Variants in GHR observed in about 807,000 individuals in gnomAD.
The protein encoded by GHR is growth hormone receptor, also known as GH receptor.
In GHR, 35 loss-of-function variants were observed where a neutral mutation model predicts 67.1. The observed-to-expected ratio is 0.52, with a 90% CI of 0.40 to 0.69. The LOEUF (loss-of-function observed/expected upper bound fraction) is 0.69, where lower values mean the gene tolerates loss of function less well. Among genes scored for constraint, GHR ranks in the 30% least tolerant of loss-of-function variants. The probability of loss-of-function intolerance (pLI) is 0.00; values close to 1 mark genes in which losing one functional copy is unlikely to be tolerated. For synonymous variants in GHR, 272 were observed against 269.1 expected (o/e 1.01, Z -0.10); for missense variants, 792 against 764.6 (o/e 1.04, Z -0.42).
chr5:42,463,706 TTAGTGGGCCGGGCG>T (rs1247927214), intron 1 of GHR, among the ~76,000 whole-genome samples: 17 of 152,146 alleles, frequency 1.1e-4, no homozygotes, highest in African/African-American at 4.1e-4. Flanking sequence ...TAGAAATAAT[TTAGTGGGCCGGGCG>T]CGGTGGCTCA....
intron 1 of GHR, chr5:42,548,086 A>G: frequency 1.0e-6 from 1 of 985,464 alleles, no homozygotes; most frequent in Non-Finnish European, 1.2e-6. Context: ...AATAGGCCTC[A>G]TGAGACTCCA....
rs1262903191 is a variant in GHR, at chr5:42,718,679, A to C, written c.1172A>C (p.Glu391Ala). ...DGDSGRTSCC[E>A]PDILETDFNA... ...GACTCTGGACGTACCAGCTGTTGTGAACCTGACATTCTGGAGACTGATTTC... is the reference window on the plus strand; with the variant it reads ...GACTCTGGACGTACCAGCTGTTGTGCACCTGACATTCTGGAGACTGATTTC... Residue 391 changes from glutamate to alanine, a missense_variant, in exon 10 of 10, where the codon GAA becomes GCA. Transcript: ENST00000230882. 6.2e-7 allele frequency: 1 copy of C among 1,614,068 alleles called. No homozygotes were observed. The highest frequency in any genetic ancestry group is 1.3e-5 in the African/African-American group (1 of 74,912).
chr5:42,700,059 T>C (rs961746986), intron 6 of GHR, 57 bp downstream of exon 6: 54 of 1,033,290 alleles, frequency 5.2e-5, no homozygotes, highest in Non-Finnish European at 7.4e-5. Flanking sequence ...ACAAACTCTC[T>C]CTCATTTATC....
chr5:42,599,274 C>A lies in GHR; in HGVS notation c.71-29764C>A, dbSNP rs74712050. ...ATTGGCCTCCTAGGGCCATGTGGAC[C>A]AGAGAGATCTTATCACAGAAGTCAT... On this transcript the variant is annotated intron_variant, in intron 2 of 9. Transcript: ENST00000230882. Among the ~76,000 whole-genome samples the A allele has an allele frequency of 7.1e-3, 1,074 of 151,874 alleles. 11 individuals carry two copies. The highest frequency in any genetic ancestry group is 0.025 in the African/African-American group (1,017 of 41,378).
chr5:42,500,477 G>A (rs1746495410), intron 1 of GHR, among the ~76,000 whole-genome samples: 2 of 152,218 alleles, frequency 1.3e-5, no homozygotes, highest in East Asian at 1.9e-4. Context: ...GGGTTGTTAC[G>A]AGGATAAAAT....
chr5:42,524,930 C>T (rs1747641954), intron 1 of GHR, among the ~76,000 whole-genome samples: 1 of 152,226 alleles, frequency 6.6e-6, no homozygotes, highest in African/African-American at 2.4e-5. Context: ...GTTTGGGAAC[C>T]TCCGCCTAGA....
At chr5:42,711,472 A>G in intron 7 of GHR, 100 bp downstream of exon 7, 1 of 822,818 alleles carries the variant, frequency 1.2e-6, no homozygotes. Context: ...AAATCAAAAT[A>G]TATTAACATC....
intron 4 of GHR, among the ~76,000 whole-genome samples, chr5:42,690,537 T>A (rs1035833443): frequency 1.3e-5 from 2 of 152,222 alleles, no homozygotes; most frequent in African/African-American, 4.8e-5. Flanking sequence ...TCCTGGACTA[T>A]AAAATGACTA....
Position 42,549,779 on chromosome 5 carries a change from A to G in GHR, c.-11-16085A>G, listed in dbSNP as rs931808560. 4.6e-5 allele frequency: 21 copies of G among 451,758 alleles called. No homozygotes were observed. In the Admixed American group the frequency reaches 5.7e-4, roughly 12 times the overall value. 28.0% of individuals were successfully genotyped at this position (451,758 alleles called of 1,614,324 possible). A position where few individuals can be genotyped will look rare whatever the true frequency, so the allele number is the denominator to read the frequency against. Reference sequence around the variant, plus strand: ...GGGGGGTTTGAAACAGAGGCTATAAATTGGCAGTTTAAGAAAATCACTGTG... The same window carrying G: ...GGGGGGTTTGAAACAGAGGCTATAAGTTGGCAGTTTAAGAAAATCACTGTG... On this transcript the variant is annotated intron_variant, in intron 1 of 9. Coordinates refer to ENST00000230882, the MANE Select transcript of GHR (RefSeq NM_000163.5).
At chr5:42,436,353 C>G (rs747581536) in intron 1 of GHR, among the ~76,000 whole-genome samples, 4 of 152,172 alleles carry the variant, frequency 2.6e-5, no homozygotes, top group Non-Finnish European at 5.9e-5. Context: ...TTCTTGGTGT[C>G]CTTTTTCTAG....
intron 1 of GHR, chr5:42,514,460 A>G (rs894839450): frequency 2.0e-5 from 5 of 250,622 alleles, no homozygotes; most frequent in South Asian, 1.5e-4. Flanking sequence ...ATATGCATAA[A>G]TGGTTCTAGA....
chr5:42,694,143 T>C (rs1045763856), intron 4 of GHR, among the ~76,000 whole-genome samples: 7 of 152,204 alleles, frequency 4.6e-5, no homozygotes, highest in African/African-American at 1.7e-4. Flanking sequence ...TTCCCTCTTC[T>C]GAACTTTTAA....
In GHR at chr5:42,587,718, C is replaced by T. The variant is rs114948514; in HGVS notation, c.70+21774C>T. Among the ~76,000 whole-genome samples, 767 of 151,866 alleles carry T rather than the reference C, an allele frequency of 5.1e-3. 15 individuals are homozygous for T. Among genetic ancestry groups the T allele is most frequent in the African/African-American group, 0.017 (712 of 41,394 alleles). ...GAAACAGAGACTTGACTTATTCCTC[C>T]CACAAACTCTTACCCTGGCACAGGG... On this transcript the variant is annotated intron_variant, in intron 2 of 9. Transcript: ENST00000230882.
chr5:42,611,147 GT>G (rs1752869567), intron 2 of GHR, among the ~76,000 whole-genome samples: 10 of 152,290 alleles, frequency 6.6e-5, no homozygotes, highest in Middle Eastern at 6.8e-3. Context: ...GGAATTTTCA[GT>G]GTTTTCTCCT....
intron 3 of GHR, among the ~76,000 whole-genome samples, chr5:42,640,556 A>C (rs1754416821): frequency 6.6e-6 from 1 of 152,228 alleles, no homozygotes; most frequent in African/African-American, 2.4e-5. Flanking sequence ...TCATTCACCA[A>C]AACTTATCTC....
At chr5:42,662,273 A>ACT (rs1200848190) in intron 3 of GHR, among the ~76,000 whole-genome samples, 1 of 152,074 alleles carries the variant, frequency 6.6e-6, no homozygotes, top group Non-Finnish European at 1.5e-5. Context: ...CATCTACAGA[A>ACT]CTCTCCATCA....
At chr5:42,457,121 G>A (rs1333904856) in intron 1 of GHR, among the ~76,000 whole-genome samples, 6 of 152,122 alleles carry the variant, frequency 3.9e-5, no homozygotes, top group Admixed American at 6.5e-5. Context: ...TCTTCCCTTC[G>A]CTTCTCTGTG....
intron 1 of GHR, among the ~76,000 whole-genome samples, chr5:42,474,869 CT>C (rs775591338): frequency 0.013 from 1,366 of 106,498 alleles, 11 homozygotes; most frequent in African/African-American, 0.039. Context: ...ACATTTTTTT[CT>C]TTTTTTTTTT....
chr5:42,528,836 G>T (rs759014626), intron 1 of GHR, among the ~76,000 whole-genome samples: 1 of 152,100 alleles, frequency 6.6e-6, no homozygotes, highest in Non-Finnish European at 1.5e-5. Flanking sequence ...CACTCAGAAG[G>T]TGTCAACATT....
Sources: allele counts gnomAD v4.1 joint callset (sites outside exome capture counted in the v4.1 genomes callset), GRCh38; gene constraint gnomAD v4.1.1; transcripts MANE v1.5; gene names NCBI Gene and HGNC (gene_info 2026-07-23, HGNC 2026-07-21).